The following TRPA1 variants were observed in gnomAD, a reference collection of about 807,000 sequenced individuals.
TRPA1 encodes the protein transient receptor potential cation channel subfamily A member 1, also known as ankyrin-like with transmembrane domains 1.
Under a neutral mutation model 131.3 loss-of-function variants are expected in TRPA1, and 129 were observed. That is an observed-to-expected ratio of 0.98 (90% CI 0.85 to 1.14). The LOEUF (loss-of-function observed/expected upper bound fraction) is 1.14. Among genes scored for constraint, TRPA1 ranks in the 50% most tolerant of loss-of-function variants. The pLI is 0.00. For missense variants in TRPA1, 1,304 were observed against 1,354.2 expected, an observed-to-expected ratio of 0.96 and a Z score of 0.58; for synonymous variants, 441 against 451.7, an observed-to-expected ratio of 0.98 and a Z score of 0.30.
In TRPA1 at chr8:72,042,449, T is replaced by G. The variant is rs368826441; in HGVS notation, c.2062-2652A>C. On this transcript the variant is annotated intron_variant, in intron 17 of 26. Transcript: ENST00000262209. ...TGAGCATGCTGAGAAACTGGAATCT[T>G]TGTGCACTATTGGTGGGAATGTAAA... 4.9e-4 allele frequency among the ~76,000 whole-genome samples: 74 copies of G among 151,968 alleles called. No homozygotes were observed. The East Asian group carries it at 6.8e-3, about 14-fold the overall frequency.
At chr8:72,046,457 A>AT in intron 17 of TRPA1, 56 bp downstream of exon 17, 1 of 234,042 alleles carries the variant, frequency 4.3e-6, no homozygotes. Context: ...AAAGTATAAT[A>AT]AAAAAAAAAA....
chr8:72,083,966 C>T, the TRPA1 span, among the ~76,000 whole-genome samples: 1 of 151,782 alleles, frequency 6.6e-6, no homozygotes, highest in Non-Finnish European at 1.5e-5. Context: ...TTCAGTGAGT[C>T]GAAAGCTGGG....
intron 4 of TRPA1, among the ~76,000 whole-genome samples, chr8:72,065,178 A>G (rs747270097): frequency 2.0e-5 from 3 of 152,164 alleles, no homozygotes; most frequent in African/African-American, 2.4e-5. Context: ...CACCAGCTTC[A>G]TCTCAACTTT....
intron 2 of TRPA1, among the ~76,000 whole-genome samples, chr8:72,069,750 A>T (rs369460606): frequency 1.8e-3 from 275 of 149,394 alleles, no homozygotes; most frequent in African/African-American, 5.9e-3. Context: ...AAAAAAAATT[A>T]AAAAAAAAAC....
Position 72,071,722 on chromosome 8 carries a change from G to C in TRPA1, c.257C>G (p.Ser86Cys). Residue 86 changes from serine (S) to cysteine (C), a missense_variant, in exon 2 of 27, where the codon TCC becomes TGC. Ser to Cys is a moderately radical substitution (Grantham distance 112). Transcript: ENST00000262209. ...TAATATTTTGTTACCTTCCAAAGAG[G>C]AATCTCTGGTGATCTTCTCCATTAG... ...IELMEKITRDSSLEVLHEMDD... is the reference protein window; with the variant it reads ...IELMEKITRDCSLEVLHEMDD... The C allele has an allele frequency of 6.2e-7, 1 of 1,613,662 alleles. No individual in the cohort carries two copies. The highest frequency in any genetic ancestry group is 1.7e-4 in the Middle Eastern group (1 of 5,990).
At chr8:72,032,926 C>T (rs567919488) in intron 23 of TRPA1, among the ~76,000 whole-genome samples, 1 of 152,270 alleles carries the variant, frequency 6.6e-6, no homozygotes, top group Non-Finnish European at 1.5e-5. Flanking sequence ...AAAGGAAAAA[C>T]AGGCACAACG....
At chr8:72,041,184 C>A (rs1812239147) in intron 17 of TRPA1, 2 of 151,916 alleles carry the variant, frequency 1.3e-5, no homozygotes, top group Admixed American at 6.6e-5. Flanking sequence ...TAAATATATA[C>A]CCACCTCACA....
At position 72,021,604 on chromosome 8, in the gene TRPA1, T is replaced by C. The variant is rs1018303859; in HGVS notation, c.*1302A>G. The C allele has an allele frequency of 7.2e-5, 11 of 151,794 alleles. No homozygotes were observed. The highest frequency in any genetic ancestry group is 2.4e-4 in the African/African-American group (10 of 41,374). 9.4% of individuals were successfully genotyped at this position (151,794 alleles called of 1,614,324 possible). A position where few individuals can be genotyped will look rare whatever the true frequency, so the allele number is the denominator to read the frequency against. On this transcript the variant is annotated 3_prime_UTR_variant, in exon 27 of 27. Coordinates refer to ENST00000262209, the MANE Select transcript of TRPA1 (RefSeq NM_007332.3). The stretch of plus-strand genomic sequence containing the variant: ...TAGTACATATCGTCCCTCAGCACTC[T>C]GCTGGTTTGTATGAACATCAGTATG...
At chr8:72,085,891 G>A in the TRPA1 span, among the ~76,000 whole-genome samples, 4 of 151,716 alleles carry the variant, frequency 2.6e-5, no homozygotes, top group African/African-American at 4.8e-5. Context: ...TGGGGAATGC[G>A]TATTCTACTT....
chr8:72,075,474 G>A lies in TRPA1; in HGVS notation c.-65C>T. 1.5e-6 allele frequency: 2 copies of A among 1,352,872 alleles called. No individual in the cohort carries two copies. The highest frequency in any genetic ancestry group is 1.0e-6 in the Non-Finnish European group (1 of 954,872). The allele number at this position is 1,352,872 out of a possible 1,614,324, so 83.8% of individuals were successfully genotyped here. A position where few individuals can be genotyped will look rare whatever the true frequency, so the allele number is the denominator to read the frequency against. On this transcript the variant is annotated 5_prime_UTR_variant, in exon 1 of 27. Coordinates refer to ENST00000262209, the MANE Select transcript of TRPA1 (RefSeq NM_007332.3). ...ACGCGCGCGGGCACCTGGGGCGAGA[G>A]AGCGCTGTCAGCCTGCCAGGCGCTG...
intron 24 of TRPA1, among the ~76,000 whole-genome samples, chr8:72,028,901 T>A (rs1044042287): frequency 6.6e-6 from 1 of 152,196 alleles, no homozygotes; most frequent in African/African-American, 2.4e-5. Flanking sequence ...GAATAGAAAG[T>A]TATATCATAA....
chr8:72,023,682 C>G (rs1221125098), intron 26 of TRPA1, 132 bp downstream of exon 26: 2 of 622,860 alleles, frequency 3.2e-6, no homozygotes, highest in East Asian at 2.9e-5. Context: ...TCTCAATACA[C>G]TAGCTACAGC....
intron 6 of TRPA1, among the ~76,000 whole-genome samples, chr8:72,062,087 C>T (rs1805822676): frequency 2.0e-5 from 3 of 152,180 alleles, no homozygotes; most frequent in Non-Finnish European, 4.4e-5. Flanking sequence ...TGTAAGCATT[C>T]AGTGTAGGAA....
At chr8:72,050,509 C>A (rs575615604) in intron 15 of TRPA1, among the ~76,000 whole-genome samples, 5 of 152,200 alleles carry the variant, frequency 3.3e-5, no homozygotes, top group African/African-American at 1.2e-4. Context: ...GCTTTACCAG[C>A]CAACAAACAC....
intron 2 of TRPA1, among the ~76,000 whole-genome samples, chr8:72,069,572 C>G (rs1806010677): frequency 6.6e-6 from 1 of 152,088 alleles, no homozygotes; most frequent in South Asian, 2.1e-4. Flanking sequence ...TTATTTCATT[C>G]AAGCCTCCAA....
At chr8:72,032,992 GCCAACGTGCTCA>G (rs1811889381) in intron 23 of TRPA1, among the ~76,000 whole-genome samples, 1 of 152,190 alleles carries the variant, frequency 6.6e-6, no homozygotes, top group Admixed American at 6.5e-5. Flanking sequence ...GCCTGCATCA[GCCAACGTGCTCA>G]TGCCTTGAGC....
chr8:72,073,770 T>C (rs1806115830), intron 1 of TRPA1, among the ~76,000 whole-genome samples: 1 of 152,184 alleles, frequency 6.6e-6, no homozygotes, highest in Admixed American at 6.5e-5. Context: ...ATTTTAGAAA[T>C]TTAAAATTTC....
In TRPA1 at chr8:72,075,282, G is replaced by T; in HGVS notation, c.111+17C>A. The T allele has an allele frequency of 6.2e-7, 1 of 1,602,394 alleles. No individual in the cohort carries two copies. On this transcript the variant is annotated intron_variant, in intron 1 of 26. Transcript: ENST00000262209. ...CGCACGTCGGAACCCCTCCAGACCC[G>T]CGAGCCCCCAGAGTACCTTAAGCGA...
upstream of TRPA1, among the ~76,000 whole-genome samples, chr8:72,077,104 T>C (rs1020163583): frequency 2.0e-4 from 30 of 152,184 alleles, no homozygotes; most frequent in Non-Finnish European, 4.0e-4. Flanking sequence ...GACTTTTTAT[T>C]TTTTATCATT....
Sources: gnomAD v4.1 joint callset for allele counts (sites outside exome capture counted in the v4.1 genomes callset) on GRCh38, gnomAD v4.1.1 for gene constraint, MANE v1.5 for transcripts, NCBI Gene and HGNC (gene_info 2026-07-23, HGNC 2026-07-21) for gene names.